Variants in EPB41L1 observed in about 807,000 individuals in gnomAD.
EPB41L1 encodes band 4.1-like protein 1.
A neutral mutation model predicts 97.8 loss-of-function variants in EPB41L1; 29 were observed. That is an observed-to-expected ratio of 0.30 (90% CI 0.22 to 0.40). The LOEUF (loss-of-function observed/expected upper bound fraction) is 0.40, where lower values mean the gene tolerates loss of function less well. Ranked by LOEUF, EPB41L1 falls within the 10% of genes least tolerant of loss-of-function variation. The pLI is 1.00. For missense variants in EPB41L1, 812 were observed against 1,162.3 expected (o/e 0.70, Z 4.38); for synonymous variants, 383 against 459.2 (o/e 0.83, Z 2.12).
At chr20:36,155,256 TGCA>T (rs1389759098) in intron 1 of EPB41L1, 2 of 445,852 alleles carry the variant, frequency 4.5e-6, no homozygotes, top group Non-Finnish European at 9.0e-6. Context: ...CTTCTGACGC[TGCA>T]GGAGGAGTTC....
At chr20:36,164,198 CT>C (rs1337677268) in intron 1 of EPB41L1, among the ~76,000 whole-genome samples, 1 of 152,186 alleles carries the variant, frequency 6.6e-6, no homozygotes, top group African/African-American at 2.4e-5. Context: ...GGCAAGGGAG[CT>C]CAAGGGACAG....
At chr20:36,124,148 G>A (rs537019379) in intron 2 of EPB41L1, among the ~76,000 whole-genome samples, 295 of 152,226 alleles carry the variant, frequency 1.9e-3, no homozygotes, top group Middle Eastern at 6.8e-3. Context: ...CCAGCTACTC[G>A]GGAGGCTGAG....
At chr20:36,194,695 T>C (rs900605543) in intron 12 of EPB41L1, among the ~76,000 whole-genome samples, 1 of 152,182 alleles carries the variant, frequency 6.6e-6, no homozygotes, top group Non-Finnish European at 1.5e-5. Flanking sequence ...CACCACTCTC[T>C]TCCTCCTCAG....
intron 1 of EPB41L1, among the ~76,000 whole-genome samples, chr20:36,103,797 G>T (rs2058099663): frequency 6.6e-6 from 1 of 150,836 alleles, no homozygotes; most frequent in Non-Finnish European, 1.5e-5. Flanking sequence ...CCACCTTCTG[G>T]GTTCACGCCA....
chr20:36,146,300 CTG>C (rs1279754898), intron 2 of EPB41L1, among the ~76,000 whole-genome samples: 1 of 152,226 alleles, frequency 6.6e-6, no homozygotes, highest in East Asian at 1.9e-4. Flanking sequence ...TACTGGCACA[CTG>C]GGGATACAGA....
At chr20:36,162,553 GC>G (rs1219929418) in intron 1 of EPB41L1, among the ~76,000 whole-genome samples, 2 of 152,102 alleles carry the variant, frequency 1.3e-5, no homozygotes, top group Non-Finnish European at 2.9e-5. Context: ...ATAAGATAAA[GC>G]CCAAAAGACA....
At chr20:36,219,001 A>G (rs1247038950) in intron 18 of EPB41L1, 39 bp downstream of exon 18, 1 of 1,597,712 alleles carries the variant, frequency 6.3e-7, no homozygotes, top group Non-Finnish European at 8.6e-7. Context: ...GGGACTCCAC[A>G]CTGAGAATAT....
intron 2 of EPB41L1, among the ~76,000 whole-genome samples, chr20:36,174,382 C>T (rs1346418274): frequency 1.3e-5 from 2 of 152,070 alleles, no homozygotes; most frequent in Non-Finnish European, 2.9e-5. Flanking sequence ...AAGCAATTCT[C>T]CTGCCTCAGC....
intron 2 of EPB41L1, among the ~76,000 whole-genome samples, chr20:36,136,411 C>T (rs1170318902): frequency 1.3e-5 from 2 of 149,608 alleles, no homozygotes; most frequent in Non-Finnish European, 3.0e-5. Context: ...AACTCCTGGC[C>T]TCAAGTGATC....
chr20:36,103,226 G>T (rs1161274497), intron 1 of EPB41L1, among the ~76,000 whole-genome samples: 1 of 152,216 alleles, frequency 6.6e-6, no homozygotes, highest in Non-Finnish European at 1.5e-5. Context: ...TGAGCACTGG[G>T]ATGCCTTATG....
chr20:36,102,878 G>T (rs1425359695), intron 1 of EPB41L1, among the ~76,000 whole-genome samples: 2 of 152,180 alleles, frequency 1.3e-5, no homozygotes, highest in African/African-American at 4.8e-5. Flanking sequence ...GGACATGTGG[G>T]TCAGTGCCAA....
upstream of EPB41L1, chr20:36,153,028 C>T (rs747639508): frequency 1.8e-5 from 8 of 456,570 alleles, no homozygotes; most frequent in Non-Finnish European, 3.1e-5. Context: ...GCTCTTCATC[C>T]GCTGCTGAAC....
At chr20:36,193,030 C>A (rs923000998) in intron 11 of EPB41L1, among the ~76,000 whole-genome samples, 1 of 152,218 alleles carries the variant, frequency 6.6e-6, no homozygotes, top group African/African-American at 2.4e-5. Flanking sequence ...GAAGCTCCTT[C>A]TTCTCCTTGG....
intron 2 of EPB41L1, among the ~76,000 whole-genome samples, chr20:36,124,111 C>A (rs760376729): frequency 1.3e-5 from 2 of 151,840 alleles, no homozygotes; most frequent in Non-Finnish European, 2.9e-5. Flanking sequence ...AGAAATTAGC[C>A]GGGTGTGGTG....
At chr20:36,223,779 G>A in intron 21 of EPB41L1, among the ~76,000 whole-genome samples, 1 of 152,116 alleles carries the variant, frequency 6.6e-6, no homozygotes, top group Non-Finnish European at 1.5e-5. Flanking sequence ...TACTGGAAAT[G>A]TCACTATTTT....
intron 1 of EPB41L1, among the ~76,000 whole-genome samples, chr20:36,094,385 T>C (rs1406535482): frequency 6.6e-6 from 1 of 152,168 alleles, no homozygotes; most frequent in Non-Finnish European, 1.5e-5. Flanking sequence ...TGTGGCTTTG[T>C]GGGTTTCAGA....
chr20:36,167,568 C>T (rs948412897), intron 1 of EPB41L1, among the ~76,000 whole-genome samples: 4 of 151,564 alleles, frequency 2.6e-5, no homozygotes, highest in African/African-American at 9.7e-5. Flanking sequence ...ATTAGCTGGG[C>T]ATGGTGGCGG....
intron 14 of EPB41L1, among the ~76,000 whole-genome samples, chr20:36,202,810 CA>C (rs35492694): frequency 0.044 from 2,009 of 45,820 alleles, 37 homozygotes; most frequent in African/African-American, 0.12. Context: ...AACTCCGTCT[CA>C]AAAAAAAAAA....
At chr20:36,110,202 A>G (rs1449748632) in intron 1 of EPB41L1, among the ~76,000 whole-genome samples, 1 of 152,122 alleles carries the variant, frequency 6.6e-6, no homozygotes, top group East Asian at 1.9e-4. Context: ...CGGCCTCCCA[A>G]AGTGCTGGGA....
Sources: gnomAD v4.1 joint callset for allele counts (sites outside exome capture counted in the v4.1 genomes callset) on GRCh38, gnomAD v4.1.1 for gene constraint, MANE v1.5 for transcripts, NCBI Gene and HGNC (gene_info 2026-07-23, HGNC 2026-07-21) for gene names.